The following VTA1 variants were observed in gnomAD, a reference collection of about 807,000 sequenced individuals.
VTA1 encodes the protein vacuolar protein sorting-associated protein VTA1 homolog.
In VTA1, 24 loss-of-function variants were observed where a neutral mutation model predicts 36.9. The ratio of observed to expected loss-of-function variants is 0.65; its 90% CI spans 0.47 to 0.91. VTA1 has a LOEUF of 0.91. Ranked by LOEUF, VTA1 falls within the 40% of genes least tolerant of loss-of-function variation. The pLI, the probability that VTA1 is intolerant of heterozygous loss-of-function variation, is 0.00. For missense variants in VTA1, 393 were observed against 377.2 expected (o/e 1.04, Z -0.35); for synonymous variants, 142 against 130.2 (o/e 1.09, Z -0.62).
At chr6:142,170,061 G>A (rs1028970192) in intron 3 of VTA1, among the ~76,000 whole-genome samples, 8 of 152,030 alleles carry the variant, frequency 5.3e-5, no homozygotes, top group Non-Finnish European at 1.0e-4. Flanking sequence ...ATACATTATG[G>A]TTTGATATGG....
At chr6:142,176,907 G>A (rs1191846991) in intron 4 of VTA1, among the ~76,000 whole-genome samples, 1 of 152,076 alleles carries the variant, frequency 6.6e-6, no homozygotes, top group East Asian at 1.9e-4. Flanking sequence ...ATTTACTGAG[G>A]CAATAAGGCA....
At chr6:142,170,444 C>CT (rs769901347) in intron 4 of VTA1, 23 bp downstream of exon 4, 2 of 1,472,504 alleles carry the variant, frequency 1.4e-6, no homozygotes, top group Admixed American at 1.9e-5. Context: ...TCTTTATTGT[C>CT]TTATTAGCTG....
intron 4 of VTA1, among the ~76,000 whole-genome samples, chr6:142,179,506 G>A (rs1775187168): frequency 1.3e-5 from 2 of 151,710 alleles, no homozygotes; most frequent in Admixed American, 1.3e-4. Flanking sequence ...AACACATTGG[G>A]GTATTAGATA....
At chr6:142,169,087 A>G (rs1774979458) in intron 2 of VTA1, among the ~76,000 whole-genome samples, 1 of 152,082 alleles carries the variant, frequency 6.6e-6, no homozygotes, top group Non-Finnish European at 1.5e-5. Flanking sequence ...TTATTTTACG[A>G]CATGATGAAC....
intron 7 of VTA1, among the ~76,000 whole-genome samples, chr6:142,209,429 A>G (rs1775856892): frequency 6.6e-6 from 1 of 151,026 alleles, no homozygotes; most frequent in South Asian, 2.1e-4. Context: ...TAAAATTCTG[A>G]TGAACATAAT....
intron 1 of VTA1, among the ~76,000 whole-genome samples, chr6:142,152,600 A>G (rs995969551): frequency 1.3e-5 from 2 of 152,174 alleles, no homozygotes; most frequent in African/African-American, 4.8e-5. Context: ...CTGTTAAAAA[A>G]GTACTTTTTG....
rs1184708405 is a variant in VTA1 at position 142,197,385 on chromosome 6, C to T, written c.521-1054C>T. The stretch of plus-strand genomic sequence containing the variant: ...GGTAGGAAGCAGTAAGATCTATTCT[C>T]TTTGATGAGTCTGTAGCTCTAGCTT... On this transcript the variant is annotated intron_variant, in intron 5 of 7. Transcript: ENST00000367630. Among the ~76,000 whole-genome samples, 7 of 152,118 alleles carry T rather than the reference C, an allele frequency of 4.6e-5. No individual in the cohort carries two copies. In the South Asian group the frequency reaches 8.3e-4, roughly 18 times the overall value.
chr6:142,201,290 G>A (rs983878869), intron 6 of VTA1, among the ~76,000 whole-genome samples: 7 of 151,572 alleles, frequency 4.6e-5, no homozygotes, highest in Non-Finnish European at 7.4e-5. Flanking sequence ...TCTTACTCAC[G>A]TTAAGAATGA....
At chr6:142,159,208 T>C (rs1454121920) in intron 1 of VTA1, among the ~76,000 whole-genome samples, 2 of 151,434 alleles carry the variant, frequency 1.3e-5, no homozygotes, top group Non-Finnish European at 2.9e-5. Context: ...AAAAATACAA[T>C]AAGAAATTAC....
chr6:142,165,847 A>T (rs1774903776), intron 1 of VTA1, among the ~76,000 whole-genome samples: 2 of 152,218 alleles, frequency 1.3e-5, no homozygotes, highest in East Asian at 3.9e-4. Flanking sequence ...ATCCCAGCCC[A>T]TTTTGAATAT....
chr6:142,175,491 C>G (rs1217788713), intron 4 of VTA1, among the ~76,000 whole-genome samples: 2 of 152,044 alleles, frequency 1.3e-5, no homozygotes, highest in African/African-American at 4.8e-5. Flanking sequence ...TCTCCATTCT[C>G]TCAGCTCTCC....
At position 142,189,522 on chromosome 6, in the gene VTA1, G is replaced by A. The variant is rs769595018; in HGVS notation, c.508G>A (p.Glu170Lys). ...ETPQAGPVGI[E>K]EDNDIEENED... ...TCCTCAAGCAGGCCCTGTTGGAATT[G>A]AAGAAGATAATGGTATGTATTTATT... The change falls in exon 5 of 8, where the codon GAA becomes AAA. Residue 170 changes from glutamate to lysine, a missense_variant. Transcript: ENST00000367630. 6.2e-7 allele frequency: 1 copy of A among 1,601,650 alleles called. No homozygotes were observed.
intron 4 of VTA1, among the ~76,000 whole-genome samples, chr6:142,187,650 G>T (rs1198949655): frequency 6.6e-6 from 1 of 152,194 alleles, no homozygotes; most frequent in Non-Finnish European, 1.5e-5. Flanking sequence ...TTGTGAAGTG[G>T]AGCAAAATGT....
At chr6:142,157,647 T>A (rs1778687140) in intron 1 of VTA1, among the ~76,000 whole-genome samples, 1 of 152,150 alleles carries the variant, frequency 6.6e-6, no homozygotes, top group South Asian at 2.1e-4. Flanking sequence ...GCATCTTTGA[T>A]AAGGTTTGTC....
chr6:142,200,177 G>A (rs989578110), intron 6 of VTA1, among the ~76,000 whole-genome samples: 6 of 152,016 alleles, frequency 3.9e-5, no homozygotes, highest in African/African-American at 1.4e-4. Context: ...TTTCTAATAT[G>A]AAATTAATCA....
chr6:142,205,282 C>CT lies in VTA1; in HGVS notation c.778+1223dup, dbSNP rs1342746233. Among the ~76,000 whole-genome samples, 4 of 152,274 alleles carry CT rather than the reference C, an allele frequency of 2.6e-5. No homozygotes were observed. The South Asian group carries it at 8.3e-4, about 32-fold the overall frequency. On this transcript the variant is annotated intron_variant, in intron 7 of 7. Coordinates refer to ENST00000367630, the MANE Select transcript of VTA1 (RefSeq NM_016485.5). The stretch of plus-strand genomic sequence containing the variant: ...ATCTCTTGTCAATTTTCTCTTTTCA[C>CT]TTTTTTCATTCTTTCTCTTCTCCTT...
At chr6:142,161,456 A>G (rs1053162683) in intron 1 of VTA1, among the ~76,000 whole-genome samples, 1 of 152,102 alleles carries the variant, frequency 6.6e-6, no homozygotes, top group African/African-American at 2.4e-5. Context: ...TTCAAATTCT[A>G]AGGAACTTTG....
intron 5 of VTA1, among the ~76,000 whole-genome samples, chr6:142,198,104 A>T (rs866008997): frequency 3.8e-3 from 198 of 51,876 alleles, no homozygotes; most frequent in Middle Eastern, 0.023. Flanking sequence ...CTCAAAAAAA[A>T]ATATATATAT....
At chr6:142,194,683 T>C (rs1174329584) in intron 5 of VTA1, among the ~76,000 whole-genome samples, 1 of 152,198 alleles carries the variant, frequency 6.6e-6, no homozygotes, top group Non-Finnish European at 1.5e-5. Context: ...TAGATAATTA[T>C]GTCATTTGCA....
Sources: allele counts gnomAD v4.1 joint callset (sites outside exome capture counted in the v4.1 genomes callset), GRCh38; gene constraint gnomAD v4.1.1; transcripts MANE v1.5; gene names NCBI Gene and HGNC (gene_info 2026-07-23, HGNC 2026-07-21).